The following ANO4 variants were observed in gnomAD, a reference collection of about 807,000 sequenced individuals.
The protein encoded by ANO4 is anoctamin 4, also known as anoctamin-4.
A neutral mutation model predicts 141.9 loss-of-function variants in ANO4; 69 were observed. The ratio of observed to expected loss-of-function variants is 0.49; its 90% CI spans 0.40 to 0.59. The LOEUF (loss-of-function observed/expected upper bound fraction) is 0.59, where lower values mean the gene tolerates loss of function less well. ANO4 is among the 20% of genes least tolerant of loss of function. The probability of loss-of-function intolerance (pLI) is 0.00; values close to 1 mark genes in which losing one functional copy is unlikely to be tolerated. For synonymous variants in ANO4, 350 were observed against 394.3 expected (o/e 0.89, Z 1.33); for missense variants, 894 against 1,162.2 (o/e 0.77, Z 3.36).
intron 1 of ANO4, among the ~76,000 whole-genome samples, chr12:100,880,678 C>T (rs1439420124): frequency 1.3e-5 from 2 of 152,096 alleles, no homozygotes; most frequent in Admixed American, 6.6e-5. Context: ...CATTGTCTTC[C>T]TGATGATTTG....
intron 5 of ANO4, among the ~76,000 whole-genome samples, chr12:100,964,827 A>G (rs2043581140): frequency 6.6e-6 from 1 of 152,142 alleles, no homozygotes; most frequent in Admixed American, 6.6e-5. Context: ...TCTATCTAAA[A>G]TAGCATCTCC....
At position 101,128,161 on chromosome 12, in the gene ANO4, C is replaced by CTGTT. The variant is rs2051404004; in HGVS notation, c.*307_*310dup. 6.6e-6 allele frequency: 1 copy of CTGTT among 152,590 alleles called. No homozygotes were observed. The highest frequency in any genetic ancestry group is 2.4e-5 in the African/African-American group (1 of 41,436). 9.5% of individuals were successfully genotyped at this position (152,590 alleles called of 1,614,324 possible). A position where few individuals can be genotyped will look rare whatever the true frequency, so the allele number is the denominator to read the frequency against. Reference sequence around the variant, plus strand: ...ATCAAGGGGAACTTGTATACTGGGCCTGTTTTTCAGCCTGTTTGCTACCTT... The same window carrying CTGTT: ...ATCAAGGGGAACTTGTATACTGGGCCTGTTTGTTTTTCAGCCTGTTTGCTACCTT... On this transcript the variant is annotated 3_prime_UTR_variant, in exon 28 of 28. Coordinates refer to ENST00000392977, the MANE Select transcript of ANO4 (RefSeq NM_001286615.2).
chr12:101,074,008 A>G (rs2048929220), intron 14 of ANO4, among the ~76,000 whole-genome samples: 1 of 152,098 alleles, frequency 6.6e-6, no homozygotes, highest in Non-Finnish European at 1.5e-5. Context: ...CGAGTGTCAG[A>G]TGTTGTGGCT....
intron 5 of ANO4, among the ~76,000 whole-genome samples, chr12:100,970,071 G>A (rs1356237501): frequency 6.6e-6 from 1 of 152,098 alleles, no homozygotes; most frequent in African/African-American, 2.4e-5. Flanking sequence ...AGCCCTGAAG[G>A]AGGCAAAGGT....
intron 5 of ANO4, among the ~76,000 whole-genome samples, chr12:100,955,473 G>C (rs1000813129): frequency 1.3e-5 from 2 of 152,082 alleles, no homozygotes; most frequent in Admixed American, 1.3e-4. Context: ...GAACTTTTAC[G>C]ACCTAGCCCT....
intron 7 of ANO4, among the ~76,000 whole-genome samples, chr12:100,975,780 T>C (rs2044156638): frequency 6.6e-6 from 1 of 151,992 alleles, no homozygotes; most frequent in Non-Finnish European, 1.5e-5. Context: ...CTCCACTATA[T>C]GTAATTTGAA....
At chr12:101,104,658 TATATATATATATAAATAA>T (rs2050364189) in intron 22 of ANO4, among the ~76,000 whole-genome samples, 8 of 63,516 alleles carry the variant, frequency 1.3e-4, no homozygotes, top group African/African-American at 5.5e-4. Flanking sequence ...TATATATATA[TATATATATATATAAATAA>T]AAAGATTTAC....
At chr12:101,054,836 A>G (rs1291747025) in intron 14 of ANO4, among the ~76,000 whole-genome samples, 2 of 150,134 alleles carry the variant, frequency 1.3e-5, no homozygotes, top group Non-Finnish European at 2.9e-5. Context: ...CTCTGCAGTC[A>G]GTCCCTTGGC....
intron 26 of ANO4, among the ~76,000 whole-genome samples, chr12:101,121,061 TTTTC>T (rs992005610): frequency 1.3e-5 from 2 of 152,170 alleles, no homozygotes; most frequent in African/African-American, 4.8e-5. Flanking sequence ...TTCATTCTTT[TTTTC>T]TTTTTCTTTT....
At chr12:100,791,166 C>T (rs1472402134), upstream of ANO4, among the ~76,000 whole-genome samples, 1 of 152,100 alleles carries the variant, frequency 6.6e-6, no homozygotes, top group Non-Finnish European at 1.5e-5. Context: ...ATTGCCTGAG[C>T]TCAGGAGTTC....
chr12:100,999,771 G>C (rs564692245), intron 8 of ANO4, among the ~76,000 whole-genome samples: 7 of 152,060 alleles, frequency 4.6e-5, no homozygotes, highest in Middle Eastern at 6.8e-3. Flanking sequence ...AGGGCCTGGC[G>C]CGATGGCTCA....
chr12:101,068,028 G>A (rs2048661961), intron 14 of ANO4, among the ~76,000 whole-genome samples: 2 of 152,214 alleles, frequency 1.3e-5, no homozygotes, highest in African/African-American at 4.8e-5. Flanking sequence ...AAGCAGTATA[G>A]ACACTGTTGT....
At chr12:101,076,143 C>T (rs2049016546) in intron 14 of ANO4, among the ~76,000 whole-genome samples, 2 of 152,082 alleles carry the variant, frequency 1.3e-5, no homozygotes, top group Non-Finnish European at 2.9e-5. Context: ...TTATGTTCCC[C>T]CAAATTCATA....
At chr12:100,756,764 T>A (rs777545604) in intron 3 of ANO4, among the ~76,000 whole-genome samples, 3 of 151,500 alleles carry the variant, frequency 2.0e-5, no homozygotes, top group Non-Finnish European at 4.4e-5. Flanking sequence ...CTGTTCTACT[T>A]CTTCTTTTCC....
At chr12:100,940,649 T>C (rs1164621811) in intron 4 of ANO4, among the ~76,000 whole-genome samples, 1 of 152,154 alleles carries the variant, frequency 6.6e-6, no homozygotes, top group East Asian at 1.9e-4. Flanking sequence ...CCAGCTGAGA[T>C]GTTTTTTTCG....
chr12:100,997,323 C>A (rs1349563955), intron 8 of ANO4, among the ~76,000 whole-genome samples: 1 of 129,446 alleles, frequency 7.7e-6, no homozygotes, highest in Non-Finnish European at 1.6e-5. Context: ...CAGAGCGAGA[C>A]TCTGTCTCAA....
intron 13 of ANO4, among the ~76,000 whole-genome samples, chr12:101,046,120 T>C (rs2047621022): frequency 6.6e-6 from 1 of 152,256 alleles, no homozygotes; most frequent in Admixed American, 6.5e-5. Context: ...GTGCTACTGC[T>C]CTATCAGAGG....
intron 22 of ANO4, among the ~76,000 whole-genome samples, chr12:101,102,056 C>T (rs1437276439): frequency 3.3e-5 from 5 of 151,974 alleles, no homozygotes; most frequent in African/African-American, 4.8e-5. Context: ...TGCACTCCAG[C>T]CTGGGAGAGA....
At chr12:100,732,994 C>T (rs1347771898) in intron 1 of ANO4, among the ~76,000 whole-genome samples, 1 of 152,188 alleles carries the variant, frequency 6.6e-6, no homozygotes, top group Non-Finnish European at 1.5e-5. Context: ...ATCTGCCCCT[C>T]TCTGTCTCCA....
Sources: gnomAD v4.1 joint callset for allele counts (sites outside exome capture counted in the v4.1 genomes callset) on GRCh38, gnomAD v4.1.1 for gene constraint, MANE v1.5 for transcripts, NCBI Gene and HGNC (gene_info 2026-07-23, HGNC 2026-07-21) for gene names.